The following NKAIN2 variants were observed in gnomAD, a reference collection of about 807,000 sequenced individuals.
The protein encoded by NKAIN2 is sodium/potassium transporting ATPase interacting 2.
A neutral mutation model predicts 32.6 loss-of-function variants in NKAIN2; 14 were observed. That is an observed-to-expected ratio of 0.43 (90% CI 0.28 to 0.67). NKAIN2 has a LOEUF of 0.67. Ranked by LOEUF, NKAIN2 falls within the 30% of genes least tolerant of loss-of-function variation. The pLI, the probability that NKAIN2 is intolerant of heterozygous loss-of-function variation, is 0.17. For missense variants in NKAIN2, 198 were observed against 258.3 expected (o/e 0.77, Z 1.60); for synonymous variants, 80 against 87.2 (o/e 0.92, Z 0.46).
chr6:124,338,323 T>C (rs1797966443), intron 2 of NKAIN2, among the ~76,000 whole-genome samples: 1 of 152,190 alleles, frequency 6.6e-6, no homozygotes, highest in Non-Finnish European at 1.5e-5. Flanking sequence ...CAATTAGTAA[T>C]TTAAACTCTC....
rs554962899 is a variant in NKAIN2 at position 124,091,446 on chromosome 6, A to T, written c.55-191559A>T. Reference sequence around the variant, plus strand: ...TTTGAGAAAAATACAAATTATTAATAGGACTACCTTTGTTGCATAATAAGA... The same window carrying T: ...TTTGAGAAAAATACAAATTATTAATTGGACTACCTTTGTTGCATAATAAGA... On this transcript the variant is annotated intron_variant, in intron 1 of 6. Coordinates refer to ENST00000368417, the MANE Select transcript of NKAIN2 (RefSeq NM_001040214.3). 8.2e-4 allele frequency among the ~76,000 whole-genome samples: 125 copies of T among 152,186 alleles called. 1 individual carries two copies. Among genetic ancestry groups the T allele is most frequent in the African/African-American group, 2.8e-3 (117 of 41,564 alleles).
chr6:124,312,841 G>A (rs1796780661), intron 2 of NKAIN2, among the ~76,000 whole-genome samples: 1 of 152,144 alleles, frequency 6.6e-6, no homozygotes, highest in Non-Finnish European at 1.5e-5. Context: ...CTTCCTCCCA[G>A]TTATGGGGCC....
At chr6:123,874,558 G>A (rs753149865) in intron 1 of NKAIN2, among the ~76,000 whole-genome samples, 1 of 151,884 alleles carries the variant, frequency 6.6e-6, no homozygotes, top group Non-Finnish European at 1.5e-5. Flanking sequence ...GCTTATTTTG[G>A]CACTAAGTGA....
At chr6:123,961,544 A>T (rs145457943) in intron 1 of NKAIN2, among the ~76,000 whole-genome samples, 9 of 152,256 alleles carry the variant, frequency 5.9e-5, no homozygotes, top group African/African-American at 2.2e-4. Context: ...TTATTGTGTC[A>T]GTGCTTGAGT....
chr6:123,882,793 T>C (rs1481047227), intron 1 of NKAIN2, among the ~76,000 whole-genome samples: 1 of 152,028 alleles, frequency 6.6e-6, no homozygotes, highest in South Asian at 2.1e-4. Flanking sequence ...CTTATAAAAG[T>C]TGAAATGAAA....
chr6:124,728,063 C>A (rs1008091338), intron 4 of NKAIN2, among the ~76,000 whole-genome samples: 5 of 151,310 alleles, frequency 3.3e-5, no homozygotes, highest in East Asian at 2.0e-4. Flanking sequence ...TAAAGCAAGT[C>A]CTGAGTGACC....
At chr6:124,383,676 C>G (rs2114383479) in intron 3 of NKAIN2, among the ~76,000 whole-genome samples, 1 of 152,298 alleles carries the variant, frequency 6.6e-6, no homozygotes, top group South Asian at 2.1e-4. Context: ...AGGAAGTTTT[C>G]TCTCCACTTC....
intron 1 of NKAIN2, among the ~76,000 whole-genome samples, chr6:123,885,280 C>T (rs1203237622): frequency 2.6e-5 from 4 of 152,048 alleles, no homozygotes; most frequent in African/African-American, 9.7e-5. Flanking sequence ...GATAGGATTA[C>T]GGGATGGCTT....
At chr6:124,820,109 C>T (rs1427618969) in intron 6 of NKAIN2, among the ~76,000 whole-genome samples, 1 of 152,140 alleles carries the variant, frequency 6.6e-6, no homozygotes, top group Non-Finnish European at 1.5e-5. Context: ...GTTTGCTATG[C>T]ATGCCATACC....
At chr6:124,335,557 A>AT (rs1797829008) in intron 2 of NKAIN2, among the ~76,000 whole-genome samples, 2 of 152,164 alleles carry the variant, frequency 1.3e-5, no homozygotes, top group South Asian at 4.1e-4. Flanking sequence ...GAAACCACTT[A>AT]TTTTTCCAAC....
intron 1 of NKAIN2, among the ~76,000 whole-genome samples, chr6:124,248,075 G>C (rs1406289609): frequency 4.6e-5 from 7 of 152,070 alleles, no homozygotes; most frequent in African/African-American, 2.4e-5. Flanking sequence ...ATATGTGTAG[G>C]AGAGACAAAA....
chr6:124,447,620 A>C (rs1024380743), intron 3 of NKAIN2, among the ~76,000 whole-genome samples: 6 of 152,148 alleles, frequency 3.9e-5, no homozygotes, highest in Non-Finnish European at 5.9e-5. Flanking sequence ...GCACTTTCTT[A>C]GCAGAGAGAT....
At chr6:124,357,566 G>A (rs920742132) in intron 3 of NKAIN2, among the ~76,000 whole-genome samples, 1 of 152,044 alleles carries the variant, frequency 6.6e-6, no homozygotes, top group African/African-American at 2.4e-5. Flanking sequence ...CCTATGAATG[G>A]ATCAGTTAGT....
chr6:124,374,398 T>G (rs4510696), intron 3 of NKAIN2, among the ~76,000 whole-genome samples: 2 of 152,018 alleles, frequency 1.3e-5, no homozygotes, highest in African/African-American at 4.8e-5. Flanking sequence ...CCCGATGTGC[T>G]GCTCCATTAA....
In NKAIN2 at chr6:124,233,383, G is replaced by T. The variant is rs150618929; in HGVS notation, c.55-49622G>T. ...CCCCTTTAGCAAGTTGGTGAGTTTT[G>T]CTCTTTCCCACCTGTGTATCCAGGT... is the stretch of plus-strand genomic sequence containing the variant. On this transcript the variant is annotated intron_variant, in intron 1 of 6. Transcript: ENST00000368417. 6.3e-3 allele frequency among the ~76,000 whole-genome samples: 955 copies of T among 152,256 alleles called. 7 individuals carry two copies. Among genetic ancestry groups the T allele is most frequent in the South Asian group, 0.04 (195 of 4,826 alleles).
In NKAIN2 at chr6:124,704,983, A is replaced by C. The variant is rs545164118; in HGVS notation, c.474+46597A>C. Among the ~76,000 whole-genome samples, 17 of 152,186 alleles carry C rather than the reference A, an allele frequency of 1.1e-4. 1 individual carries two copies. In the South Asian group the frequency reaches 3.5e-3, roughly 32 times the overall value. ...ACTTATAATGACCATAGGAAGAAAT[A>C]ATTTATTTAATTACAAATCTACCCT... On this transcript the variant is annotated intron_variant, in intron 4 of 6. Transcript: ENST00000368417.
At chr6:124,743,675 T>C (rs968224529) in intron 4 of NKAIN2, among the ~76,000 whole-genome samples, 5 of 151,902 alleles carry the variant, frequency 3.3e-5, no homozygotes, top group Admixed American at 1.3e-4. Context: ...TTCTCTCCTA[T>C]AAATTCCATG....
At chr6:124,292,291 C>A (rs193116321) in intron 2 of NKAIN2, among the ~76,000 whole-genome samples, 1 of 152,198 alleles carries the variant, frequency 6.6e-6, no homozygotes, top group Admixed American at 6.6e-5. Context: ...CTCCTCCATA[C>A]ATATTATAGA....
rs551536922 is a variant in NKAIN2 at position 124,747,394 on chromosome 6, T to C, written c.475-43945T>C. On this transcript the variant is annotated intron_variant, in intron 4 of 6. Transcript: ENST00000368417. ...TGGGGGATTCCTCTAGTAATGACTT[T>C]GCAGCCATAATCAAGAAATATGTTA... Among the ~76,000 whole-genome samples the C allele has an allele frequency of 2.6e-4, 40 of 152,056 alleles. No homozygotes were observed. The South Asian group carries it at 4.8e-3, about 18-fold the overall frequency.
Sources: allele counts gnomAD v4.1 joint callset (sites outside exome capture counted in the v4.1 genomes callset), GRCh38; gene constraint gnomAD v4.1.1; transcripts MANE v1.5; gene names NCBI Gene and HGNC (gene_info 2026-07-23, HGNC 2026-07-21).